Variants in GALK2 observed in about 807,000 individuals in gnomAD.
GALK2 encodes galactokinase 2.
GALK2 carries 36 observed loss-of-function variants against 52.4 expected under a neutral mutation model. That is an observed-to-expected ratio of 0.69 (90% CI 0.53 to 0.91). The LOEUF (loss-of-function observed/expected upper bound fraction) is 0.91, where lower values mean the gene tolerates loss of function less well. GALK2 is among the 40% of genes least tolerant of loss of function. GALK2 has a pLI of 0.00. For missense variants in GALK2, 579 were observed against 559.1 expected (o/e 1.04, Z -0.36); for synonymous variants, 176 against 199.1 (o/e 0.88, Z 0.98).
At chr15:49,323,755 G>C (rs6493361) in intron 9 of GALK2, among the ~76,000 whole-genome samples, 98,934 of 151,976 alleles carry the variant, frequency 0.65, 32,791 homozygotes, top group African/African-American at 0.73. Flanking sequence ...ACTGCTAGCT[G>C]TCTTTTTCAG....
chr15:49,268,299 A>G (rs185047935), intron 5 of GALK2, among the ~76,000 whole-genome samples: 1 of 152,318 alleles, frequency 6.6e-6, no homozygotes, highest in East Asian at 1.9e-4. Context: ...CCCAATTTAA[A>G]TGGGGAAGAG....
In GALK2 at chr15:49,354,669, G is replaced by A. The variant is rs1372410616; in HGVS notation, c.427-12822G>A. On this transcript the variant is annotated intron_variant, in intron 3 of 3. Transcript: ENST00000558399. ...CTGCAAGGTGGGCTGGGGGAGGGGC[G>A]CCCGCCATTGCCCAGGCTTGATTAG... is the stretch of plus-strand genomic sequence containing the variant. Among the ~76,000 whole-genome samples the A allele has an allele frequency of 3.9e-5, 6 of 152,144 alleles. No homozygotes were observed. The East Asian group carries it at 5.8e-4, about 15-fold the overall frequency.
Position 49,310,270 on chromosome 15 carries a change from CTTTA to C in GALK2, c.968-9331_968-9328del, listed in dbSNP as rs1015929858. Reference sequence around the variant, plus strand: ...CTATTATGTGTACATGCCACATTTTCTTTATTCATTCATCTGTTGGTGAACATTT... The same window carrying C: ...CTATTATGTGTACATGCCACATTTTCTTCATTCATCTGTTGGTGAACATTT... On this transcript the variant is annotated intron_variant, in intron 8 of 9. Transcript: ENST00000560031. Among the ~76,000 whole-genome samples, 4 of 152,178 alleles carry C rather than the reference CTTTA, an allele frequency of 2.6e-5. No homozygotes were observed. In the East Asian group the frequency reaches 5.8e-4, roughly 22 times the overall value.
At chr15:49,230,332 C>T (rs1052040234) in intron 3 of GALK2, among the ~76,000 whole-genome samples, 1 of 152,178 alleles carries the variant, frequency 6.6e-6, no homozygotes, top group African/African-American at 2.4e-5. Flanking sequence ...GCTAGGATTG[C>T]AGGAGTCCTT....
At chr15:49,179,011 A>C (rs1443436706) in intron 1 of GALK2, among the ~76,000 whole-genome samples, 2 of 151,966 alleles carry the variant, frequency 1.3e-5, no homozygotes, top group African/African-American at 2.4e-5. Flanking sequence ...TTTTATTTTC[A>C]CCATCATAAC....
intron 1 of GALK2, among the ~76,000 whole-genome samples, chr15:49,179,657 T>C (rs1261573394): frequency 7.3e-5 from 11 of 150,650 alleles, no homozygotes; most frequent in East Asian, 5.8e-4. Context: ...TCTTTCTTTT[T>C]TTTTTTTTTT....
rs954005768 is a variant in GALK2 at position 49,331,271 on chromosome 15, C to T, written c.*3112C>T. 2.0e-5 allele frequency: 3 copies of T among 153,718 alleles called. No individual in the cohort carries two copies. The highest frequency in any genetic ancestry group is 1.4e-5 in the Non-Finnish European group (1 of 69,222). 9.5% of individuals were successfully genotyped at this position (153,718 alleles called of 1,614,324 possible). A position where few individuals can be genotyped will look rare whatever the true frequency, so the allele number is the denominator to read the frequency against. On this transcript the variant is annotated 3_prime_UTR_variant, in exon 10 of 10. Transcript: ENST00000560031. Reference sequence around the variant, plus strand: ...GAGAGAAGAAGCCCTTCAGACTTAACAAGAATGCCCATAAGTAAAGAGAAG... The same window carrying T: ...GAGAGAAGAAGCCCTTCAGACTTAATAAGAATGCCCATAAGTAAAGAGAAG...
intron 3 of GALK2, among the ~76,000 whole-genome samples, chr15:49,358,546 C>G (rs2043594499): frequency 6.7e-6 from 1 of 149,374 alleles, no homozygotes; most frequent in South Asian, 2.2e-4. Context: ...TGAAGGACCT[C>G]TTCAAGGAGA....
rs773542023 is a variant in GALK2 at position 49,328,128 on chromosome 15, G to T, written c.1346G>T (p.Gly449Val). ...CAAAGTTTGTTTGCTACCAAACCTG[G>T]AGGTGGGGCTTTGGTTTTGCTTGAG... Reference protein sequence around the residue: ...EKQSLFATKPGGGALVLLEA With the variant: ...EKQSLFATKPVGGALVLLEA Residue 449 changes from glycine to valine, a missense_variant, in exon 10 of 10, where the codon GGA becomes GTA. Physicochemically the swap from Gly to Val is moderately radical, Grantham distance 109. Transcript: ENST00000560031. The T allele has an allele frequency of 6.2e-7, 1 of 1,614,054 alleles. No homozygotes were observed. Among genetic ancestry groups the T allele is most frequent in the South Asian group, 1.1e-5 (1 of 91,068 alleles).
At chr15:49,333,653 G>T (rs1433039011), downstream of GALK2, among the ~76,000 whole-genome samples, 2 of 152,164 alleles carry the variant, frequency 1.3e-5, no homozygotes, top group Non-Finnish European at 2.9e-5. Flanking sequence ...AGCTTTATAA[G>T]TTCTAAAATA....
At chr15:49,232,887 T>G (rs1018099222) in intron 3 of GALK2, among the ~76,000 whole-genome samples, 1 of 152,182 alleles carries the variant, frequency 6.6e-6, no homozygotes, top group Non-Finnish European at 1.5e-5. Context: ...ACTATCAGGA[T>G]TTTCAAAGCA....
chr15:49,332,083 C>T (rs568032598), downstream of GALK2, among the ~76,000 whole-genome samples: 93 of 107,470 alleles, frequency 8.7e-4, no homozygotes, highest in South Asian at 2.5e-3. Flanking sequence ...CATGTGCACA[C>T]GTGCCACACA....
chr15:49,202,746 G>A (rs1446421907), intron 2 of GALK2, among the ~76,000 whole-genome samples: 1 of 152,064 alleles, frequency 6.6e-6, no homozygotes, highest in African/African-American at 2.4e-5. Context: ...TCATATGGTG[G>A]TTCTATTTTT....
intron 3 of GALK2, among the ~76,000 whole-genome samples, chr15:49,234,737 T>G (rs1386426517): frequency 6.6e-6 from 1 of 152,070 alleles, no homozygotes; most frequent in African/African-American, 2.4e-5. Flanking sequence ...AAGATGAGAT[T>G]TGAGTGGGGA....
chr15:49,175,139 C>T (rs756833062), intron 1 of GALK2, among the ~76,000 whole-genome samples: 2 of 152,252 alleles, frequency 1.3e-5, no homozygotes, highest in Admixed American at 1.3e-4. Context: ...ATGTTCCCTT[C>T]GTGGCAGGTT....
chr15:49,310,239 AGTACTCTATTAT>A (rs2035881526), intron 8 of GALK2, among the ~76,000 whole-genome samples: 1 of 152,164 alleles, frequency 6.6e-6, no homozygotes, highest in East Asian at 1.9e-4. Flanking sequence ...ATTGTTCAAT[AGTACTCTATTAT>A]GTGTACATGC....
chr15:49,264,704 T>A (rs1355503938), intron 5 of GALK2, among the ~76,000 whole-genome samples: 2 of 152,186 alleles, frequency 1.3e-5, no homozygotes, highest in East Asian at 3.9e-4. Flanking sequence ...CTTTGTGGTT[T>A]TATCTACTTT....
intron 6 of GALK2, among the ~76,000 whole-genome samples, chr15:49,282,919 C>T (rs954929466): frequency 6.6e-6 from 1 of 152,074 alleles, no homozygotes; most frequent in Non-Finnish European, 1.5e-5. Flanking sequence ...GGGCCAGAGT[C>T]CTGATGTTAA....
chr15:49,296,201 G>A (rs2034463911), intron 8 of GALK2, among the ~76,000 whole-genome samples: 1 of 152,052 alleles, frequency 6.6e-6, no homozygotes, highest in African/African-American at 2.4e-5. Flanking sequence ...CTGGGGTTTG[G>A]TGTACACATG....
Sources: gnomAD v4.1 joint callset for allele counts (sites outside exome capture counted in the v4.1 genomes callset) on GRCh38, gnomAD v4.1.1 for gene constraint, MANE v1.5 for transcripts, NCBI Gene and HGNC (gene_info 2026-07-23, HGNC 2026-07-21) for gene names.